The following TMEM63B variants were observed in gnomAD, a reference collection of about 807,000 sequenced individuals.
The protein encoded by TMEM63B is transmembrane protein 63B.
Under a neutral mutation model 102.6 loss-of-function variants are expected in TMEM63B, and 23 were observed. The observed-to-expected ratio is 0.22, with a 90% CI of 0.16 to 0.32. The LOEUF (loss-of-function observed/expected upper bound fraction) is 0.32. TMEM63B is among the 10% of genes least tolerant of loss of function. The pLI, the probability that TMEM63B is intolerant of heterozygous loss-of-function variation, is 1.00. For missense variants in TMEM63B, 628 were observed against 1,095.9 expected (o/e 0.57, Z 6.03); for synonymous variants, 444 against 437.0 (o/e 1.02, Z -0.20).
At chr6:44,139,343 C>T in intron 6 of TMEM63B, 124 bp from the exon 7 acceptor site, 1 of 1,214,794 alleles carries the variant, frequency 8.2e-7, no homozygotes, top group Non-Finnish European at 1.2e-6. Flanking sequence ...CAGCCCTATA[C>T]TACTGCCAGA....
Position 44,150,429 on chromosome 6 carries a change from C to A in TMEM63B, c.1607+119C>A. ...AAGGGGCCCAAGATGGGAAGCCTGGCCACCCCCAGGCCTCCTGAGCTACCC... is the reference window on the plus strand; with the variant it reads ...AAGGGGCCCAAGATGGGAAGCCTGGACACCCCCAGGCCTCCTGAGCTACCC... On this transcript the variant is annotated intron_variant, in intron 17 of 23. Coordinates refer to ENST00000323267, the MANE Select transcript of TMEM63B (RefSeq NM_018426.3). This position sits in a 1 kb window ranked among gnomAD's most constrained non-coding sequence, Gnocchi z 4.7. The A allele has an allele frequency of 7.0e-7, 1 of 1,437,988 alleles. No individual in the cohort carries two copies. The highest frequency in any genetic ancestry group is 9.7e-7 in the Non-Finnish European group (1 of 1,025,892). The allele number at this position is 1,437,988 out of a possible 1,614,324, so 89.1% of individuals were successfully genotyped here. A position where few individuals can be genotyped will look rare whatever the true frequency, so the allele number is the denominator to read the frequency against.
chr6:44,144,925 T>C (rs550721435), intron 10 of TMEM63B, among the ~76,000 whole-genome samples: 4 of 151,994 alleles, frequency 2.6e-5, no homozygotes, highest in Admixed American at 1.3e-4. Context: ...TATAAAAAGA[T>C]GGGGACTCAG....
intron 5 of TMEM63B, 36 bp downstream of exon 5, chr6:44,136,475 C>T (rs1486222485): frequency 1.4e-6 from 2 of 1,425,870 alleles, no homozygotes; most frequent in South Asian, 1.2e-5. Context: ...TAGTCCCCCA[C>T]CCCACCCCCA....
At chr6:44,142,062 CA>C (rs1176093167) in intron 10 of TMEM63B, among the ~76,000 whole-genome samples, 1 of 151,746 alleles carries the variant, frequency 6.6e-6, no homozygotes, top group African/African-American at 2.4e-5. Context: ...GTCGAGGCTG[CA>C]GTGAGTCCTG....
At chr6:44,136,157 G>A (rs1399513061) in intron 4 of TMEM63B, among the ~76,000 whole-genome samples, 192 bp from the exon 5 acceptor site, 4 of 152,152 alleles carry the variant, frequency 2.6e-5, no homozygotes, top group Non-Finnish European at 5.9e-5. Flanking sequence ...CTCCCACCCT[G>A]AGTCCCCCTG....
Position 44,150,639 on chromosome 6 carries a change from T to G in TMEM63B, c.1673+10T>G, listed in dbSNP as rs1169210943. On this transcript the variant is annotated intron_variant, in intron 18 of 23. Coordinates refer to ENST00000323267, the MANE Select transcript of TMEM63B (RefSeq NM_018426.3). The surrounding 1 kb of genome is among the most constrained non-coding windows in gnomAD (Gnocchi z 4.7). The stretch of plus-strand genomic sequence containing the variant: ...CAGCTATTCGGTTTGAGTGAGTGAC[T>G]GGGGCCCCTAGGGAAAGAGACCAGA... The G allele has an allele frequency of 1.9e-6, 3 of 1,613,896 alleles. No homozygotes were observed.
rs369012580 is a variant in TMEM63B at position 44,151,802 on chromosome 6, G to A, written c.1674-44G>A. On this transcript the variant is annotated intron_variant, in intron 18 of 23. Transcript: ENST00000323267. ...TTCTGGCAGTGGGCGGGCGGCCACC[G>A]GGTCACCCCAAGGGTGCAGTGCTGG... is the stretch of plus-strand genomic sequence containing the variant. The A allele has an allele frequency of 4.6e-5, 70 of 1,536,160 alleles. 2 individuals carry two copies. Among genetic ancestry groups the A allele is most frequent in the South Asian group, 4.4e-4 (35 of 80,238 alleles).
chr6:44,133,802 C>G (rs1399690661), intron 1 of TMEM63B, among the ~76,000 whole-genome samples: 3 of 152,252 alleles, frequency 2.0e-5, no homozygotes, highest in Non-Finnish European at 4.4e-5. Context: ...GCTTTCCCAG[C>G]CTTCCCTGCT....
chr6:44,138,542 A>G, intron 6 of TMEM63B, 25 bp downstream of exon 6: 2 of 1,613,812 alleles, frequency 1.2e-6, no homozygotes, highest in East Asian at 2.2e-5. Flanking sequence ...TTCAAGCTCT[A>G]AAGAAAGAGA....
intron 15 of TMEM63B, 166 bp downstream of exon 15, chr6:44,149,111 C>T: frequency 4.0e-6 from 4 of 996,384 alleles, no homozygotes; most frequent in Middle Eastern, 2.2e-4. Context: ...GGGCTCCCTG[C>T]CACCTTCCCC....
chr6:44,149,731 C>G, intron 15 of TMEM63B, 128 bp from the exon 16 acceptor site: 1 of 701,632 alleles, frequency 1.4e-6, no homozygotes, highest in Non-Finnish European at 2.4e-6. Flanking sequence ...TCCGGATGTT[C>G]TGGGCTTCCA....
At chr6:44,153,246 C>G (rs1447442577) in intron 20 of TMEM63B, among the ~76,000 whole-genome samples, 1 of 152,218 alleles carries the variant, frequency 6.6e-6, no homozygotes. Flanking sequence ...TAATAACATC[C>G]TAACTCCTTA....
At position 44,139,751 on chromosome 6, in the gene TMEM63B, G is replaced by C. The variant is rs1281033162; in HGVS notation, c.594G>C (p.Leu198Phe). 6.2e-7 allele frequency: 1 copy of C among 1,614,180 alleles called. No individual in the cohort carries two copies. Among genetic ancestry groups the C allele is most frequent in the Non-Finnish European group, 8.5e-7 (1 of 1,180,038 alleles). ...TTGGGAGAACCACCATTGCCAACTT[G>C]AAATCAGGGTAAGATGCGAAGCTGG... ...YSFGRTTIAN[L>F]KSGNNLLWLH... The change falls in exon 8 of 24, where the codon TTG becomes TTC. Residue 198 changes from leucine to phenylalanine, a missense_variant. Physicochemically the swap from Leu to Phe is conservative, Grantham distance 22. Transcript: ENST00000323267.
intron 18 of TMEM63B, 55 bp from the exon 19 acceptor site, chr6:44,151,790 CG>C: frequency 6.6e-7 from 1 of 1,520,842 alleles, no homozygotes; most frequent in Non-Finnish European, 8.8e-7. Flanking sequence ...TGGCAGTGGG[CG>C]GGCGGCCACC....
chr6:44,132,557 C>T (rs1762150281), intron 1 of TMEM63B, among the ~76,000 whole-genome samples: 2 of 151,998 alleles, frequency 1.3e-5, no homozygotes, highest in South Asian at 2.1e-4. Flanking sequence ...TAGTTAGAGT[C>T]CCCCCAACCC....
chr6:44,131,326 T>C (rs1173587127), intron 1 of TMEM63B, among the ~76,000 whole-genome samples: 1 of 152,196 alleles, frequency 6.6e-6, no homozygotes, highest in Non-Finnish European at 1.5e-5. Context: ...ATTGGAAGAC[T>C]GAGACTCAGG....
intron 5 of TMEM63B, among the ~76,000 whole-genome samples, chr6:44,137,885 A>G (rs1763309198): frequency 6.6e-6 from 1 of 152,014 alleles, no homozygotes; most frequent in Admixed American, 6.6e-5. Context: ...TTTTAGTAAG[A>G]GACGGGGTGT....
chr6:44,140,565 C>A, intron 9 of TMEM63B: 1 of 670,634 alleles, frequency 1.5e-6, no homozygotes, highest in South Asian at 1.5e-5. Flanking sequence ...AGTACCTCCC[C>A]CAAGGTTGTG....
In TMEM63B at chr6:44,138,491, C is replaced by T. The variant is rs780584096; in HGVS notation, c.381C>T (p.Ser127=). 1 of 1,614,066 alleles carries T rather than the reference C, an allele frequency of 6.2e-7. No individual in the cohort carries two copies. Among genetic ancestry groups the T allele is most frequent in the Non-Finnish European group, 8.5e-7 (1 of 1,180,008 alleles). ...CTCTGTTCCCCCAGGGTTTCTGTTC[C>T]TGGCTGACAGCCATCTTCAGGATAA... ...DFDQRDNGFC[S]WLTAIFRIKD... is the part of the protein sequence containing the mutation. The change falls in exon 6 of 24, where the codon TCC becomes TCT. Residue 127 remains serine, a synonymous_variant. Coordinates refer to ENST00000323267, the MANE Select transcript of TMEM63B (RefSeq NM_018426.3).
Sources: allele counts gnomAD v4.1 joint callset (sites outside exome capture counted in the v4.1 genomes callset), GRCh38; gene constraint gnomAD v4.1.1; non-coding constraint Gnocchi (gnomAD v3.1); transcripts MANE v1.5; gene names NCBI Gene and HGNC (gene_info 2026-07-23, HGNC 2026-07-21).